FBXL13: variants seen among roughly 807,000 people sequenced by gnomAD.
The protein encoded by FBXL13 is F-box and leucine-rich repeat protein 13.
Under a neutral mutation model 83.6 loss-of-function variants are expected in FBXL13, and 67 were observed. The ratio of observed to expected loss-of-function variants is 0.80; its 90% CI spans 0.66 to 0.98. The LOEUF (loss-of-function observed/expected upper bound fraction) is 0.98, where lower values mean the gene tolerates loss of function less well. Ranked by LOEUF, FBXL13 falls within the 50% of genes least tolerant of loss-of-function variation. The pLI is 0.00. For missense variants in FBXL13, 822 were observed against 866.5 expected, an observed-to-expected ratio of 0.95 and a Z score of 0.64; for synonymous variants, 272 against 299.5, an observed-to-expected ratio of 0.91 and a Z score of 0.95.
intron 17 of FBXL13, among the ~76,000 whole-genome samples, chr7:102,845,993 G>A (rs755363729): frequency 6.6e-6 from 1 of 152,130 alleles, no homozygotes; most frequent in African/African-American, 2.4e-5. Flanking sequence ...CTTGGGAGAA[G>A]TTTTTAACCT....
chr7:102,823,845 G>A (rs529858930), intron 18 of FBXL13, among the ~76,000 whole-genome samples: 21 of 152,250 alleles, frequency 1.4e-4, no homozygotes, highest in African/African-American at 3.1e-4. Context: ...CTTTGTTTCC[G>A]GAACACGCTC....
chr7:102,851,418 G>A (rs1165824660), intron 17 of FBXL13, among the ~76,000 whole-genome samples: 2 of 98,436 alleles, frequency 2.0e-5, no homozygotes, highest in Non-Finnish European at 4.0e-5. Context: ...CCTTTTATAG[G>A]TTTTTCTTTC....
chr7:102,814,331 T>C (rs1797703267), intron 19 of FBXL13: 1 of 152,180 alleles, frequency 6.6e-6, no homozygotes. Flanking sequence ...TGCCGTATGT[T>C]ACCTTGAGTT....
Position 102,878,813 on chromosome 7 carries a change from A to G in FBXL13, c.1389-363T>C, listed in dbSNP as rs1348675100. 2.0e-5 allele frequency among the ~76,000 whole-genome samples: 3 copies of G among 152,298 alleles called. 1 individual carries two copies. In the South Asian group the frequency reaches 6.2e-4, roughly 32 times the overall value. On this transcript the variant is annotated intron_variant, in intron 14 of 19. Transcript: ENST00000313221. ...AAGATCAAAACTTAGGAGAGTGAGAACCAAGACTAAGAGTCAAACTACTGC... is the reference window on the plus strand; with the variant it reads ...AAGATCAAAACTTAGGAGAGTGAGAGCCAAGACTAAGAGTCAAACTACTGC...
At chr7:102,912,840 G>T (rs1271893326) in intron 11 of FBXL13, among the ~76,000 whole-genome samples, 1 of 152,082 alleles carries the variant, frequency 6.6e-6, no homozygotes, top group Non-Finnish European at 1.5e-5. Flanking sequence ...CTCCACAAAA[G>T]TGGTCCGTTT....
intron 2 of FBXL13, among the ~76,000 whole-genome samples, chr7:103,034,277 G>C (rs1014409479): frequency 6.6e-6 from 1 of 152,192 alleles, no homozygotes; most frequent in South Asian, 2.1e-4. Context: ...ATGGGACTGC[G>C]CACCGTGGAG....
intron 9 of FBXL13, among the ~76,000 whole-genome samples, chr7:102,928,234 C>G (rs533991364): frequency 6.6e-6 from 1 of 152,238 alleles, no homozygotes; most frequent in Non-Finnish European, 1.5e-5. Context: ...GCTTGAACAT[C>G]CAAACAAATT....
intron 8 of FBXL13, among the ~76,000 whole-genome samples, chr7:102,943,567 T>C (rs1821887761): frequency 6.6e-6 from 1 of 152,148 alleles, no homozygotes; most frequent in South Asian, 2.1e-4. Context: ...TGACTAAGCA[T>C]TAAACCAGAA....
exon 15 of FBXL13, chr7:102,878,375 G>A: frequency 1.9e-6 from 3 of 1,610,192 alleles, no homozygotes; most frequent in Non-Finnish European, 2.5e-6. Context: ...GCCGCACACA[G>A]TTGCTTAAAT....
At position 102,880,991 on chromosome 7, in the gene FBXL13, T is replaced by C. The variant is rs1046519522; in HGVS notation, c.1388+2314A>G. 6.6e-5 allele frequency among the ~76,000 whole-genome samples: 10 copies of C among 152,200 alleles called. No individual in the cohort carries two copies. In the East Asian group the frequency reaches 1.7e-3, roughly 26 times the overall value. On this transcript the variant is annotated intron_variant, in intron 14 of 19. Transcript: ENST00000313221. ...TCAAGGAATTTGTTCATTGAGAGAGTAGAAAAGAATGAGGGGATTCAAGGC... is the reference window on the plus strand; with the variant it reads ...TCAAGGAATTTGTTCATTGAGAGAGCAGAAAAGAATGAGGGGATTCAAGGC...
At chr7:102,895,617 A>G (rs184986539) in intron 11 of FBXL13, among the ~76,000 whole-genome samples, 1 of 152,292 alleles carries the variant, frequency 6.6e-6, no homozygotes, top group East Asian at 1.9e-4. Context: ...GCCATAACCC[A>G]TCGTTGCACA....
At chr7:102,950,428 C>A (rs1166912866) in intron 8 of FBXL13, among the ~76,000 whole-genome samples, 2 of 152,142 alleles carry the variant, frequency 1.3e-5, no homozygotes, top group Admixed American at 1.3e-4. Flanking sequence ...AATGGTACAG[C>A]CAACTTTGGA....
At position 102,843,449 on chromosome 7, in the gene FBXL13, A is replaced by C. The variant is rs192238232; in HGVS notation, c.1720-10475T>G. ...GCAAAACTCCATCTCAAAAACAAAA[A>C]CAAAAACAAAAAACAAAAAAACCTG... On this transcript the variant is annotated intron_variant, in intron 17 of 19. Coordinates refer to ENST00000313221, the Ensembl canonical transcript of FBXL13. 9.9e-3 allele frequency among the ~76,000 whole-genome samples: 1,503 copies of C among 152,030 alleles called. 22 individuals carry two copies. Among genetic ancestry groups the C allele is most frequent in the African/African-American group, 0.034 (1,416 of 41,442 alleles).
intron 11 of FBXL13, among the ~76,000 whole-genome samples, chr7:102,897,131 G>A (rs151317027): frequency 1.3e-5 from 2 of 151,596 alleles, no homozygotes; most frequent in Admixed American, 1.3e-4. Flanking sequence ...ATATGTATAT[G>A]TGTGTATCTA....
At chr7:102,953,041 G>C (rs1823668396) in intron 8 of FBXL13, among the ~76,000 whole-genome samples, 1 of 152,044 alleles carries the variant, frequency 6.6e-6, no homozygotes, top group Non-Finnish European at 1.5e-5. Flanking sequence ...CCTAGGACCA[G>C]ATGGCTTCAT....
intron 1 of FBXL13, among the ~76,000 whole-genome samples, chr7:103,058,465 T>A (rs1797547437): frequency 6.6e-6 from 1 of 152,216 alleles, no homozygotes; most frequent in African/African-American, 2.4e-5. Flanking sequence ...GCTGAAGCCA[T>A]CTATTATCTG....
Position 102,854,797 on chromosome 7 carries a change from TTC to T in FBXL13, c.1697_1698del (p.Arg566AsnfsTer3), listed in dbSNP as rs781550715. Reference sequence around the variant, plus strand: ...CTTACCTGAATTCCATCATCAGTGATTCTATAACATTCAGATACAGAAAGTTC... The same window carrying T: ...CTTACCTGAATTCCATCATCAGTGATTATAACATTCAGATACAGAAAGTTC... On this transcript the variant is annotated frameshift_variant, in exon 17 of 20. Transcript: ENST00000313221. LOFTEE classifies it high-confidence loss of function. The T allele has an allele frequency of 6.3e-7, 1 of 1,586,936 alleles. No homozygotes were observed. The highest frequency in any genetic ancestry group is 1.1e-5 in the South Asian group (1 of 87,180).
chr7:103,051,187 G>A (rs900781108), intron 2 of FBXL13, among the ~76,000 whole-genome samples: 6 of 151,834 alleles, frequency 4.0e-5, no homozygotes, highest in African/African-American at 1.5e-4. Flanking sequence ...AAGCATGCAA[G>A]AAAAATGAAA....
chr7:102,970,093 A>T (rs895448686), intron 6 of FBXL13, among the ~76,000 whole-genome samples: 2 of 151,956 alleles, frequency 1.3e-5, no homozygotes, highest in African/African-American at 2.4e-5. Context: ...TCAACTAAAA[A>T]TTTAAAAATT....
Sources: allele counts gnomAD v4.1 joint callset (sites outside exome capture counted in the v4.1 genomes callset), GRCh38; gene constraint gnomAD v4.1.1; transcripts MANE v1.5; gene names NCBI Gene and HGNC (gene_info 2026-07-23, HGNC 2026-07-21).